The following SLCO3A1 variants were observed in gnomAD, a reference collection of about 807,000 sequenced individuals.
SLCO3A1 encodes PGE1 transporter.
In SLCO3A1, 27 loss-of-function variants were observed where a neutral mutation model predicts 63.1. The ratio of observed to expected loss-of-function variants is 0.43; its 90% CI spans 0.32 to 0.59. The LOEUF (loss-of-function observed/expected upper bound fraction) is 0.59, where lower values mean the gene tolerates loss of function less well. Among genes scored for constraint, SLCO3A1 ranks in the 20% least tolerant of loss-of-function variants. The pLI, the probability that SLCO3A1 is intolerant of heterozygous loss-of-function variation, is 0.09. For missense variants in SLCO3A1, 773 were observed against 945.8 expected, an observed-to-expected ratio of 0.82 and a Z score of 2.40; for synonymous variants, 473 against 409.9, an observed-to-expected ratio of 1.15 and a Z score of -1.86.
intron 7 of SLCO3A1, among the ~76,000 whole-genome samples, chr15:92,144,666 T>C (rs2238350): frequency 0.44 from 66,481 of 152,140 alleles, 14,642 homozygotes; most frequent in Admixed American, 0.51. Context: ...GCTGGTGTCC[T>C]ACAACTCCTG....
chr15:91,915,279 A>G (rs1181269163), intron 1 of SLCO3A1, among the ~76,000 whole-genome samples: 2 of 152,128 alleles, frequency 1.3e-5, no homozygotes, highest in Admixed American at 1.3e-4. Context: ...GATGTTCGGT[A>G]TATGTTTAAC....
intron 1 of SLCO3A1, among the ~76,000 whole-genome samples, chr15:91,891,386 C>A (rs1001486448): frequency 6.6e-6 from 1 of 152,206 alleles, no homozygotes; most frequent in African/African-American, 2.4e-5. Flanking sequence ...AAGACCAATT[C>A]TCTTACCACT....
intron 4 of SLCO3A1, among the ~76,000 whole-genome samples, chr15:92,108,998 T>C (rs534726369): frequency 1.3e-5 from 2 of 152,338 alleles, no homozygotes; most frequent in African/African-American, 4.8e-5. Context: ...AAGCTGCAGT[T>C]CATCTGTTCA....
At chr15:92,105,866 TC>T (rs1240637634) in intron 4 of SLCO3A1, among the ~76,000 whole-genome samples, 1 of 152,194 alleles carries the variant, frequency 6.6e-6, no homozygotes, top group Non-Finnish European at 1.5e-5. Context: ...TTTAGACATT[TC>T]CTAGCAGTGA....
chr15:91,862,034 C>A lies in SLCO3A1; in HGVS notation c.180+7946C>A, dbSNP rs771131763. Among the ~76,000 whole-genome samples, 9 of 152,248 alleles carry A rather than the reference C, an allele frequency of 5.9e-5. No homozygotes were observed. Among genetic ancestry groups the A allele is most frequent in the East Asian group, 5.8e-4 (3 of 5,174 alleles). ...GCCCTCATGATTTCCTTTATAAATA[C>A]CCCTGCCATGACTTTTCAGTACTCT... On this transcript the variant is annotated intron_variant, in intron 1 of 9. Coordinates refer to ENST00000318445, the MANE Select transcript of SLCO3A1 (RefSeq NM_013272.4). The surrounding 1 kb of genome is among the most constrained non-coding windows in gnomAD (Gnocchi z 4.0).
Position 92,163,568 on chromosome 15 carries a change from A to G in SLCO3A1, c.*433A>G, listed in dbSNP as rs112922474. On this transcript the variant is annotated 3_prime_UTR_variant, in exon 10 of 10. Coordinates refer to ENST00000318445, the MANE Select transcript of SLCO3A1 (RefSeq NM_013272.4). Reference sequence around the variant, plus strand: ...AAATAAAAAAAATTAAAAAAAAAAAACCCACAAGTTGAAAACATTGCCAGA... The same window carrying G: ...AAATAAAAAAAATTAAAAAAAAAAAGCCCACAAGTTGAAAACATTGCCAGA... The G allele has an allele frequency of 4.7e-3, 4,591 of 979,276 alleles. 151 individuals are homozygous for G. The African/African-American group carries it at 0.074, about 16-fold the overall frequency. 60.7% of individuals were successfully genotyped at this position (979,276 alleles called of 1,614,324 possible).
chr15:92,011,862 G>A (rs748380321), intron 2 of SLCO3A1, among the ~76,000 whole-genome samples: 5 of 152,222 alleles, frequency 3.3e-5, no homozygotes, highest in Non-Finnish European at 5.9e-5. Flanking sequence ...CGAGTTATAC[G>A]CAAGAGGTTG....
chr15:91,901,448 T>G (rs1464269852), intron 1 of SLCO3A1, among the ~76,000 whole-genome samples: 1 of 152,254 alleles, frequency 6.6e-6, no homozygotes, highest in Non-Finnish European at 1.5e-5. Context: ...TTTATTAATG[T>G]ATATCTTAGT....
chr15:92,007,353 A>G (rs1032654967), intron 2 of SLCO3A1, among the ~76,000 whole-genome samples: 2 of 152,222 alleles, frequency 1.3e-5, no homozygotes, highest in African/African-American at 4.8e-5. Context: ...TTGAAGGGAC[A>G]TTGGATGGAT....
intron 4 of SLCO3A1, among the ~76,000 whole-genome samples, chr15:92,105,988 C>T (rs1338630957): frequency 6.6e-6 from 1 of 152,212 alleles, no homozygotes; most frequent in Admixed American, 6.5e-5. Flanking sequence ...TTCTGTTCCT[C>T]ACCAGCCCTG....
At chr15:92,102,366 A>G (rs898485513) in intron 3 of SLCO3A1, among the ~76,000 whole-genome samples, 1 of 152,136 alleles carries the variant, frequency 6.6e-6, no homozygotes, top group Admixed American at 6.5e-5. Context: ...ATTCTCATTT[A>G]TATACATATA....
rs73530660 is a variant in SLCO3A1 at position 91,935,697 on chromosome 15, G to A, written c.646+19239G>A. Among the ~76,000 whole-genome samples, 808 of 152,282 alleles carry A rather than the reference G, an allele frequency of 5.3e-3. 4 individuals are homozygous for A. The highest frequency in any genetic ancestry group is 0.019 in the African/African-American group (769 of 41,552). On this transcript the variant is annotated intron_variant, in intron 2 of 9. Transcript: ENST00000318445. The stretch of plus-strand genomic sequence containing the variant: ...AGAAGGGCCTGCCACTTCCTTCCTG[G>A]GGAATCCTCAAGAGGTTTCACCTGC...
intron 2 of SLCO3A1, among the ~76,000 whole-genome samples, chr15:92,072,648 G>C (rs2047230431): frequency 6.6e-6 from 1 of 152,202 alleles, no homozygotes; most frequent in Non-Finnish European, 1.5e-5. Context: ...CCAGAAGCCA[G>C]GGGAGAATCC....
chr15:91,915,009 T>G (rs181909614), intron 1 of SLCO3A1, among the ~76,000 whole-genome samples: 1 of 152,180 alleles, frequency 6.6e-6, no homozygotes, highest in African/African-American at 2.4e-5. Flanking sequence ...ACTCTTGTCT[T>G]GCTCACAGCA....
intron 7 of SLCO3A1, among the ~76,000 whole-genome samples, chr15:92,137,112 A>T (rs549990733): frequency 1.4e-5 from 2 of 144,338 alleles, no homozygotes; most frequent in African/African-American, 2.7e-5. Context: ...TCCCAATGCT[A>T]TCCCTCCCCC....
intron 1 of SLCO3A1, among the ~76,000 whole-genome samples, chr15:91,911,041 C>T (rs186410075): frequency 4.6e-5 from 7 of 152,308 alleles, no homozygotes; most frequent in Admixed American, 3.9e-4. Flanking sequence ...AGGATGGGCT[C>T]ATGAATACTT....
intron 2 of SLCO3A1, among the ~76,000 whole-genome samples, chr15:91,994,831 G>A (rs1462416074): frequency 3.9e-5 from 6 of 152,170 alleles, no homozygotes; most frequent in Non-Finnish European, 8.8e-5. Flanking sequence ...CCACTGATGG[G>A]GAACTCTGTC....
intron 1 of SLCO3A1, among the ~76,000 whole-genome samples, chr15:91,914,089 A>G (rs1898572283): frequency 1.3e-5 from 2 of 152,114 alleles, no homozygotes; most frequent in South Asian, 4.1e-4. Context: ...ATTTACATGT[A>G]TGTGTTGTTG....
At chr15:91,976,851 A>G (rs1220937747) in intron 2 of SLCO3A1, among the ~76,000 whole-genome samples, 1 of 152,164 alleles carries the variant, frequency 6.6e-6, no homozygotes, top group African/African-American at 2.4e-5. Flanking sequence ...AGTACTTTAC[A>G]AGGTAATAGA....
Sources: allele counts gnomAD v4.1 joint callset (sites outside exome capture counted in the v4.1 genomes callset), GRCh38; gene constraint gnomAD v4.1.1; non-coding constraint Gnocchi (gnomAD v3.1); transcripts MANE v1.5; gene names NCBI Gene and HGNC (gene_info 2026-07-23, HGNC 2026-07-21).